The following COMMD1 variants were observed in gnomAD, a reference collection of about 807,000 sequenced individuals.
The protein encoded by COMMD1 is COMM domain-containing protein 1.
In COMMD1, 10 loss-of-function variants were observed where a neutral mutation model predicts 17.2. The observed-to-expected ratio is 0.58, with a 90% CI of 0.36 to 0.99. COMMD1 has a LOEUF of 0.99. Ranked by LOEUF, COMMD1 falls within the 50% of genes least tolerant of loss-of-function variation. COMMD1 has a pLI of 0.01. For synonymous variants in COMMD1, 97 were observed against 91.6 expected (o/e 1.06, Z -0.34); for missense variants, 270 against 231.8 (o/e 1.17, Z -1.07).
intron 2 of COMMD1, among the ~76,000 whole-genome samples, chr2:62,059,386 A>C (rs548021849): frequency 3.3e-5 from 5 of 151,800 alleles, no homozygotes; most frequent in Admixed American, 2.6e-4. Context: ...CAACTTCTGG[A>C]CTCAAGCGAT....
At chr2:62,008,902 G>A (rs1573063598) in intron 2 of COMMD1, among the ~76,000 whole-genome samples, 1 of 152,052 alleles carries the variant, frequency 6.6e-6, no homozygotes, top group East Asian at 1.9e-4. Flanking sequence ...TTCTGCCTCA[G>A]TCTCCCAAGT....
At chr2:61,905,578 C>T, upstream of COMMD1, 2 of 1,261,784 alleles carry the variant, frequency 1.6e-6, no homozygotes, top group Non-Finnish European at 2.1e-6. Flanking sequence ...TCCAGGTTCC[C>T]CGAGGTTCCC....
intron 1 of COMMD1, among the ~76,000 whole-genome samples, chr2:61,995,076 C>A (rs1441295870): frequency 1.3e-5 from 2 of 148,700 alleles, no homozygotes; most frequent in East Asian, 4.0e-4. Context: ...CAACTACTTA[C>A]TGTTATCAGA....
chr2:62,113,991 G>A (rs558132777), intron 2 of COMMD1, among the ~76,000 whole-genome samples: 65 of 152,258 alleles, frequency 4.3e-4, no homozygotes, highest in African/African-American at 1.6e-3. Flanking sequence ...ACAATTTTCC[G>A]TTAGCTTTGC....
intron 2 of COMMD1, chr2:62,100,045 T>C (rs1304568036): frequency 6.6e-6 from 1 of 152,086 alleles, no homozygotes. Context: ...GGAGAATGAC[T>C]GTTTTGAATA....
At chr2:62,028,272 A>G (rs951532925) in intron 2 of COMMD1, among the ~76,000 whole-genome samples, 5 of 152,130 alleles carry the variant, frequency 3.3e-5, no homozygotes, top group African/African-American at 9.7e-5. Context: ...TCTTTTTTCA[A>G]TATAAAAGGA....
At chr2:62,061,998 A>C (rs890512459) in intron 2 of COMMD1, among the ~76,000 whole-genome samples, 1 of 151,462 alleles carries the variant, frequency 6.6e-6, no homozygotes, top group East Asian at 1.9e-4. Flanking sequence ...AAAAAAAAAA[A>C]AACAGAAACA....
intron 1 of COMMD1, among the ~76,000 whole-genome samples, chr2:61,915,015 T>C (rs1397354812): frequency 6.6e-6 from 1 of 151,504 alleles, no homozygotes; most frequent in Non-Finnish European, 1.5e-5. Flanking sequence ...CCTTTTTTTT[T>C]TTTTTTGAGA....
chr2:62,041,908 G>A (rs113829353), intron 2 of COMMD1, among the ~76,000 whole-genome samples: 1 of 152,362 alleles, frequency 6.6e-6, no homozygotes, highest in African/African-American at 2.4e-5. Context: ...GTGAGCAGCA[G>A]CAAGATTTAT....
chr2:62,029,184 G>A (rs1669848127), intron 2 of COMMD1, among the ~76,000 whole-genome samples: 1 of 151,968 alleles, frequency 6.6e-6, no homozygotes, highest in Non-Finnish European at 1.5e-5. Context: ...AATTCATATT[G>A]TTTTTTTAAA....
At chr2:61,996,732 C>T (rs775351213) in intron 1 of COMMD1, among the ~76,000 whole-genome samples, 4 of 152,184 alleles carry the variant, frequency 2.6e-5, no homozygotes, top group Non-Finnish European at 5.9e-5. Flanking sequence ...CTTATCCATT[C>T]AAGTTTGATC....
intron 1 of COMMD1, among the ~76,000 whole-genome samples, chr2:61,919,984 C>T (rs1348609747): frequency 6.6e-6 from 1 of 152,010 alleles, no homozygotes; most frequent in Non-Finnish European, 1.5e-5. Context: ...AAAAAATCAG[C>T]CAGGCATACT....
intron 2 of COMMD1, among the ~76,000 whole-genome samples, chr2:62,054,956 A>G (rs1055455087): frequency 1.3e-5 from 2 of 152,214 alleles, no homozygotes; most frequent in Non-Finnish European, 2.9e-5. Context: ...AGGAGAACCT[A>G]ATGCCTGATG....
At chr2:62,079,268 G>A (rs994135241) in intron 2 of COMMD1, among the ~76,000 whole-genome samples, 1 of 152,160 alleles carries the variant, frequency 6.6e-6, no homozygotes, top group Non-Finnish European at 1.5e-5. Flanking sequence ...GAAAGAGAAG[G>A]AAAGCATCCA....
intron 2 of COMMD1, among the ~76,000 whole-genome samples, chr2:62,050,263 A>G (rs1174542858): frequency 6.6e-6 from 1 of 152,236 alleles, no homozygotes; most frequent in Non-Finnish European, 1.5e-5. Context: ...ATAATTTTTA[A>G]AAGACTTTCT....
chr2:61,930,957 T>G (rs1670451314), intron 1 of COMMD1, among the ~76,000 whole-genome samples: 1 of 152,130 alleles, frequency 6.6e-6, no homozygotes, highest in South Asian at 2.1e-4. Context: ...ATGCTCGAAC[T>G]CATGGCTTAT....
At chr2:62,091,278 A>G (rs1343734799) in intron 2 of COMMD1, among the ~76,000 whole-genome samples, 1 of 152,100 alleles carries the variant, frequency 6.6e-6, no homozygotes, top group Admixed American at 6.5e-5. Flanking sequence ...CATTCCTTCA[A>G]TGTGGCCTAT....
chr2:61,997,336 TAG>T (rs1334924959), intron 1 of COMMD1, among the ~76,000 whole-genome samples: 1 of 151,720 alleles, frequency 6.6e-6, no homozygotes, highest in African/African-American at 2.4e-5. Context: ...GCTGAGATTA[TAG>T]GCTTGAGCCA....
Position 62,000,925 on chromosome 2 carries a change from A to C in COMMD1, c.405A>C (p.Ser135=), listed in dbSNP as rs377684141. The C allele has an allele frequency of 2.5e-6, 4 of 1,614,098 alleles. No homozygotes were observed. Among genetic ancestry groups the C allele is most frequent in the Non-Finnish European group, 3.4e-6 (4 of 1,180,054 alleles). Residue 135 remains serine, a synonymous_variant, in exon 2 of 3, where the codon TCA becomes TCC. Coordinates refer to ENST00000311832, the MANE Select transcript of COMMD1 (RefSeq NM_152516.4). The stretch of plus-strand genomic sequence containing the variant: ...ATGGCAAGTCTCAGTCAAGGCACTC[A>C]GCTCAAATACACACACCTGTTGCCA... ...RVDGKSQSRH[S]AQIHTPVAII...
Sources: allele counts gnomAD v4.1 joint callset (sites outside exome capture counted in the v4.1 genomes callset), GRCh38; gene constraint gnomAD v4.1.1; transcripts MANE v1.5; gene names NCBI Gene and HGNC (gene_info 2026-07-23, HGNC 2026-07-21).